The following TECRL variants were observed in gnomAD, a reference collection of about 807,000 sequenced individuals.
TECRL encodes the protein trans-2,3-enoyl-CoA reductase like.
A neutral mutation model predicts 52.8 loss-of-function variants in TECRL; 63 were observed. The ratio of observed to expected loss-of-function variants is 1.19; its 90% CI spans 0.97 to 1.47. The LOEUF (loss-of-function observed/expected upper bound fraction) is 1.47, where lower values mean the gene tolerates loss of function less well. TECRL is among the 40% of genes most tolerant of loss of function. TECRL has a pLI of 0.00. For missense variants in TECRL, 482 were observed against 429.6 expected, an observed-to-expected ratio of 1.12 and a Z score of -1.08; for synonymous variants, 164 against 141.9, an observed-to-expected ratio of 1.16 and a Z score of -1.10.
intron 2 of TECRL, among the ~76,000 whole-genome samples, chr4:64,355,537 G>A (rs1577924954): frequency 6.6e-6 from 1 of 152,104 alleles, no homozygotes; most frequent in South Asian, 2.1e-4. Flanking sequence ...CGTGGCTCAC[G>A]CCTGTAATCC....
intron 6 of TECRL, among the ~76,000 whole-genome samples, chr4:64,308,422 C>T (rs886393842): frequency 1.3e-5 from 2 of 152,134 alleles, no homozygotes; most frequent in Non-Finnish European, 2.9e-5. Flanking sequence ...TAAGTAATAG[C>T]CAAGATGAAG....
chr4:64,370,485 GT>G (rs1319062895), intron 2 of TECRL, among the ~76,000 whole-genome samples: 5 of 147,972 alleles, frequency 3.4e-5, no homozygotes, highest in African/African-American at 4.9e-5. Context: ...CAAGCAGAAA[GT>G]TTTTTTCATA....
At chr4:64,386,842 T>C (rs1192020641) in intron 1 of TECRL, among the ~76,000 whole-genome samples, 1 of 152,134 alleles carries the variant, frequency 6.6e-6, no homozygotes, top group South Asian at 2.1e-4. Flanking sequence ...CAAGGTACTC[T>C]TTGCCTTTAC....
chr4:64,400,810 C>G (rs1233762697), intron 1 of TECRL, among the ~76,000 whole-genome samples: 1 of 152,094 alleles, frequency 6.6e-6, no homozygotes, highest in East Asian at 1.9e-4. Context: ...CTGAGGCCTC[C>G]CCAGAAGCAG....
chr4:64,380,877 C>T (rs565363039), intron 1 of TECRL, among the ~76,000 whole-genome samples: 6 of 151,926 alleles, frequency 3.9e-5, no homozygotes, highest in African/African-American at 1.2e-4. Context: ...TGTCTATACA[C>T]GGTCTTTTGT....
intron 9 of TECRL, 42 bp from the exon 10 acceptor site, chr4:64,281,601 G>T: frequency 9.3e-7 from 1 of 1,077,010 alleles, no homozygotes; most frequent in Non-Finnish European, 1.4e-6. Flanking sequence ...GCTACACATT[G>T]CAAATCTGAT....
intron 1 of TECRL, among the ~76,000 whole-genome samples, chr4:64,375,602 G>A (rs917124415): frequency 2.6e-5 from 4 of 151,714 alleles, no homozygotes; most frequent in East Asian, 1.9e-4. Context: ...AATAGTACCC[G>A]AGGATGTGAA....
chr4:64,327,775 G>C (rs552658960), intron 3 of TECRL, among the ~76,000 whole-genome samples: 1 of 151,956 alleles, frequency 6.6e-6, no homozygotes. Context: ...TAATACCTAA[G>C]AGAGGGCAAC....
intron 2 of TECRL, among the ~76,000 whole-genome samples, chr4:64,356,888 G>A (rs1007845254): frequency 6.6e-6 from 1 of 152,128 alleles, no homozygotes; most frequent in Non-Finnish European, 1.5e-5. Flanking sequence ...GTTCATTAAA[G>A]AAAGTTGGAT....
chr4:64,404,912 A>G (rs950871380), intron 1 of TECRL, among the ~76,000 whole-genome samples: 1 of 152,082 alleles, frequency 6.6e-6, no homozygotes, highest in Non-Finnish European at 1.5e-5. Context: ...TCAAATTCAC[A>G]TGTTTCTTGA....
chr4:64,392,746 G>A (rs889560825), intron 1 of TECRL, among the ~76,000 whole-genome samples: 8 of 151,892 alleles, frequency 5.3e-5, no homozygotes, highest in Admixed American at 2.0e-4. Context: ...GCTACCACAG[G>A]TGGTATTAAC....
At chr4:64,285,948 C>A (rs566216618) in intron 9 of TECRL, among the ~76,000 whole-genome samples, 36 of 152,202 alleles carry the variant, frequency 2.4e-4, no homozygotes, top group African/African-American at 8.4e-4. Context: ...GAAAAACCTC[C>A]TCTGTTTCCA....
intron 11 of TECRL, among the ~76,000 whole-genome samples, chr4:64,280,439 C>T (rs1722765460): frequency 6.6e-6 from 1 of 151,996 alleles, no homozygotes; most frequent in Non-Finnish European, 1.5e-5. Flanking sequence ...ATACCACTGC[C>T]ACAAAATATT....
At chr4:64,276,479 GT>G (rs1213241320), downstream of TECRL, 1 of 151,622 alleles carries the variant, frequency 6.6e-6, no homozygotes, top group Non-Finnish European at 1.5e-5. Flanking sequence ...TTTCATTAAT[GT>G]TTTTCCTATG....
intron 2 of TECRL, among the ~76,000 whole-genome samples, chr4:64,368,241 T>C (rs1293482073): frequency 6.6e-6 from 1 of 152,138 alleles, no homozygotes; most frequent in Non-Finnish European, 1.5e-5. Flanking sequence ...TATTTCTCCA[T>C]CTAAAATGTT....
At chr4:64,397,109 C>A (rs537665106) in intron 1 of TECRL, among the ~76,000 whole-genome samples, 15 of 151,396 alleles carry the variant, frequency 9.9e-5, no homozygotes, top group Middle Eastern at 3.4e-3. Context: ...TATAAAACAA[C>A]AAAAAAAAAT....
intron 5 of TECRL, among the ~76,000 whole-genome samples, chr4:64,310,202 A>T (rs1456899939): frequency 1.3e-5 from 2 of 152,188 alleles, no homozygotes; most frequent in African/African-American, 4.8e-5. Context: ...TTATGCTCAC[A>T]CCTGTCCCAG....
At position 64,307,959 on chromosome 4, in the gene TECRL, A is replaced by G. The variant is rs372314148; in HGVS notation, c.657+1867T>C. On this transcript the variant is annotated intron_variant, in intron 6 of 11. Coordinates refer to ENST00000381210, the MANE Select transcript of TECRL (RefSeq NM_001010874.5). ...AAGATGGAGGAGAAAACACTTTCAA[A>G]TGTGCATACTGGAGGACTTACGAAG... Among the ~76,000 whole-genome samples, 4 of 152,272 alleles carry G rather than the reference A, an allele frequency of 2.6e-5. No homozygotes were observed. The South Asian group carries it at 8.3e-4, about 32-fold the overall frequency.
At chr4:64,286,423 T>G (rs1421398347) in intron 9 of TECRL, among the ~76,000 whole-genome samples, 1 of 151,846 alleles carries the variant, frequency 6.6e-6, no homozygotes, top group African/African-American at 2.4e-5. Context: ...GAGAAAGTGA[T>G]AGAGAAGCTA....
Sources: allele counts gnomAD v4.1 joint callset (sites outside exome capture counted in the v4.1 genomes callset), GRCh38; gene constraint gnomAD v4.1.1; transcripts MANE v1.5; gene names NCBI Gene and HGNC (gene_info 2026-07-23, HGNC 2026-07-21).